The following MAP7 variants were observed in gnomAD, a reference collection of about 807,000 sequenced individuals.
MAP7 encodes the protein ensconsin.
A neutral mutation model predicts 94.8 loss-of-function variants in MAP7; 52 were observed. That is an observed-to-expected ratio of 0.55 (90% CI 0.44 to 0.69). The LOEUF (loss-of-function observed/expected upper bound fraction) is 0.69. Among genes scored for constraint, MAP7 ranks in the 30% least tolerant of loss-of-function variants. The probability of loss-of-function intolerance (pLI) is 0.00; values close to 1 mark genes in which losing one functional copy is unlikely to be tolerated. For missense variants in MAP7, 940 were observed against 964.6 expected, an observed-to-expected ratio of 0.97 and a Z score of 0.34; for synonymous variants, 350 against 357.0, an observed-to-expected ratio of 0.98 and a Z score of 0.22.
At chr6:136,394,930 T>TCATATATATATATATATA (rs1562349915) in intron 3 of MAP7, among the ~76,000 whole-genome samples, 1 of 10,754 alleles carries the variant, frequency 9.3e-5, no homozygotes, top group African/African-American at 2.2e-4. Flanking sequence ...TAATATTCCA[T>TCATATATATATATATATA]CATATATATA....
chr6:136,526,128 A>C, intron 1 of MAP7: 2 of 1,324,092 alleles, frequency 1.5e-6, no homozygotes, highest in South Asian at 4.2e-5. Flanking sequence ...GCTGACAGAT[A>C]GTACCAGCCA....
intron 16 of MAP7, among the ~76,000 whole-genome samples, chr6:136,352,254 C>T (rs1357793967): frequency 1.3e-5 from 2 of 149,728 alleles, no homozygotes; most frequent in African/African-American, 4.9e-5. Context: ...GGGGCATGAT[C>T]AAGGCTCACT....
chr6:136,522,919 C>T (rs1826814336), intron 1 of MAP7, among the ~76,000 whole-genome samples: 2 of 152,082 alleles, frequency 1.3e-5, no homozygotes, highest in African/African-American at 4.8e-5. Flanking sequence ...CCTGTAATTC[C>T]AGCTATTAAG....
chr6:136,389,572 G>A, intron 3 of MAP7, 55 bp from the exon 4 acceptor site: 2 of 1,554,328 alleles, frequency 1.3e-6, no homozygotes, highest in Non-Finnish European at 1.8e-6. Context: ...TAGGCAGGTT[G>A]CAAACTTGAA....
chr6:136,528,557 A>C (rs1436617765), intron 1 of MAP7, among the ~76,000 whole-genome samples: 5 of 152,092 alleles, frequency 3.3e-5, no homozygotes, highest in Admixed American at 3.3e-4. Flanking sequence ...AAATAATAAC[A>C]AAAAAAACCC....
At chr6:136,483,870 A>G (rs1813746903) in intron 1 of MAP7, among the ~76,000 whole-genome samples, 1 of 152,212 alleles carries the variant, frequency 6.6e-6, no homozygotes, top group South Asian at 2.1e-4. Flanking sequence ...CCTTTTTTCA[A>G]CAGAAAAAAA....
intron 1 of MAP7, among the ~76,000 whole-genome samples, chr6:136,539,676 T>C (rs1829156987): frequency 6.6e-6 from 1 of 152,168 alleles, no homozygotes. Context: ...CAGGCACGAA[T>C]GCAACTCAGA....
chr6:136,461,163 T>C (rs1464294445), intron 1 of MAP7, among the ~76,000 whole-genome samples: 1 of 152,224 alleles, frequency 6.6e-6, no homozygotes, highest in Non-Finnish European at 1.5e-5. Flanking sequence ...CTCCATGTTT[T>C]ATAACTAAGA....
chr6:136,524,101 G>A (rs756631181), intron 1 of MAP7, among the ~76,000 whole-genome samples: 1 of 151,980 alleles, frequency 6.6e-6, no homozygotes, highest in Non-Finnish European at 1.5e-5. Context: ...AAAAGTAGCT[G>A]GGCATGGTGG....
intron 1 of MAP7, among the ~76,000 whole-genome samples, chr6:136,542,228 A>G (rs2129060569): frequency 6.6e-6 from 1 of 152,350 alleles, no homozygotes; most frequent in Non-Finnish European, 1.5e-5. Context: ...TCAGAGTTTT[A>G]CAAGAGCTAA....
At chr6:136,519,607 A>G (rs533189245) in intron 1 of MAP7, among the ~76,000 whole-genome samples, 1 of 152,346 alleles carries the variant, frequency 6.6e-6, no homozygotes, top group South Asian at 2.1e-4. Flanking sequence ...TCGTTTGGAA[A>G]CCTTAACTGG....
intron 1 of MAP7, among the ~76,000 whole-genome samples, chr6:136,452,193 CAAACAAAACA>C (rs71006801): frequency 0.041 from 6,034 of 145,662 alleles, 261 homozygotes; most frequent in African/African-American, 0.1. Context: ...GACTCCGTCT[CAAACAAAACA>C]AAACAAAACA....
chr6:136,360,871 G>C, intron 12 of MAP7, 73 bp from the exon 13 acceptor site: 2 of 1,573,344 alleles, frequency 1.3e-6, no homozygotes, highest in Non-Finnish European at 1.7e-6. Flanking sequence ...GGTGCCCAGA[G>C]GTGGGGGCGA....
chr6:136,543,261 T>C (rs1829468796), intron 1 of MAP7, among the ~76,000 whole-genome samples: 1 of 152,226 alleles, frequency 6.6e-6, no homozygotes, highest in South Asian at 2.1e-4. Flanking sequence ...AACTACTTCA[T>C]CAAGAAAAAG....
intron 3 of MAP7, among the ~76,000 whole-genome samples, chr6:136,402,233 C>T (rs1490031732): frequency 6.6e-6 from 1 of 152,222 alleles, no homozygotes; most frequent in Non-Finnish European, 1.5e-5. Flanking sequence ...ACGGTAGCTA[C>T]TCTGCTTTTA....
intron 13 of MAP7, 115 bp from the exon 14 acceptor site, chr6:136,360,146 A>T: frequency 1.2e-6 from 1 of 860,516 alleles, no homozygotes; most frequent in Non-Finnish European, 1.8e-6. Context: ...GAAAAATACA[A>T]TATGCACTTT....
chr6:136,418,770 AT>A (rs1790323650), intron 2 of MAP7, among the ~76,000 whole-genome samples: 1 of 152,190 alleles, frequency 6.6e-6, no homozygotes, highest in East Asian at 1.9e-4. Flanking sequence ...GTTCTAGAAA[AT>A]GAAAATCAAC....
At chr6:136,364,545 A>G in intron 10 of MAP7, 1 of 242,940 alleles carries the variant, frequency 4.1e-6, no homozygotes, top group Admixed American at 5.4e-5. Context: ...GTTGGAGACT[A>G]TGTTTCTCCT....
chr6:136,534,145 A>G (rs1309121544), intron 1 of MAP7, among the ~76,000 whole-genome samples: 2 of 152,230 alleles, frequency 1.3e-5, no homozygotes, highest in East Asian at 3.8e-4. Context: ...CTTCCACGAA[A>G]TAGAACCAAT....
Sources: gnomAD v4.1 joint callset for allele counts (sites outside exome capture counted in the v4.1 genomes callset) on GRCh38, gnomAD v4.1.1 for gene constraint, MANE v1.5 for transcripts, NCBI Gene and HGNC (gene_info 2026-07-23, HGNC 2026-07-21) for gene names.